Variants in VAMP7 observed in about 807,000 individuals in gnomAD.
VAMP7 encodes the protein vesicle associated membrane protein 7.
A neutral mutation model predicts 29.6 loss-of-function variants in VAMP7; 14 were observed. That is an observed-to-expected ratio of 0.47 (90% confidence interval 0.31 to 0.74). VAMP7 has a LOEUF of 0.74. Among genes scored for constraint, VAMP7 ranks in the 30% least tolerant of loss-of-function variants. The pLI is 0.05. For synonymous variants in VAMP7, 95 were observed against 88.1 expected, an observed-to-expected ratio of 1.08 and a Z score of -0.44; for missense variants, 223 against 262.4, an observed-to-expected ratio of 0.85 and a Z score of 1.04.
chrX:155,887,575 G>T (rs1423061478), intron 1 of VAMP7, among the ~76,000 whole-genome samples: 1 of 152,126 alleles, frequency 6.6e-6, no homozygotes, highest in Non-Finnish European at 1.5e-5. Flanking sequence ...CTGGATTATA[G>T]TAAGTAGAAG....
intron 2 of VAMP7, among the ~76,000 whole-genome samples, chrX:155,893,546 T>G (rs1489889735): frequency 6.6e-6 from 1 of 152,200 alleles, no homozygotes; most frequent in African/African-American, 2.4e-5. Context: ...GAACAACAGA[T>G]ACTTGTTTCT....
intron 5 of VAMP7, among the ~76,000 whole-genome samples, chrX:155,902,316 A>G (rs12392778): frequency 0.59 from 89,541 of 150,848 alleles, 26,621 homozygotes; most frequent in East Asian, 0.68. Flanking sequence ...ATCTGCAAAT[A>G]GGGACAATTT....
chrX:155,918,557 G>A (rs1178902134), intron 5 of VAMP7, among the ~76,000 whole-genome samples: 1 of 152,130 alleles, frequency 6.6e-6, no homozygotes, highest in Non-Finnish European at 1.5e-5. Context: ...CTTGGTTAGG[G>A]GAGGGAGTTC....
At chrX:155,933,578 A>C (rs1034084456) in intron 6 of VAMP7, among the ~76,000 whole-genome samples, 1 of 152,022 alleles carries the variant, frequency 6.6e-6, no homozygotes, top group East Asian at 1.9e-4. Flanking sequence ...TATTGCGTCT[A>C]TTTGATTCTT....
chrX:155,927,219 G>A (rs375684183), intron 6 of VAMP7, among the ~76,000 whole-genome samples: 52 of 151,916 alleles, frequency 3.4e-4, no homozygotes, highest in African/African-American at 1.1e-3. Context: ...GGGGCCTGTC[G>A]GGGAGTGGGG....
At chrX:155,921,354 G>A (rs1280432668) in intron 6 of VAMP7, among the ~76,000 whole-genome samples, 2 of 151,854 alleles carry the variant, frequency 1.3e-5, no homozygotes, top group Non-Finnish European at 2.9e-5. Flanking sequence ...CCCAGATCTA[G>A]ATAGAAAACA....
intron 1 of VAMP7, among the ~76,000 whole-genome samples, chrX:155,889,049 C>T (rs2065897451): frequency 6.6e-6 from 1 of 151,660 alleles, no homozygotes; most frequent in Admixed American, 6.6e-5. Context: ...AGAGTCTTAA[C>T]TTCTGTTGAA....
intron 3 of VAMP7, among the ~76,000 whole-genome samples, chrX:155,895,986 G>A (rs147878932): frequency 6.6e-6 from 1 of 152,176 alleles, no homozygotes; most frequent in Non-Finnish European, 1.5e-5. Context: ...ATGATCTGAG[G>A]TGGAACAGTT....
chrX:155,934,207 C>T (rs938033993), intron 6 of VAMP7, among the ~76,000 whole-genome samples: 8 of 152,142 alleles, frequency 5.3e-5, no homozygotes, highest in African/African-American at 1.9e-4. Flanking sequence ...CTGTAGATGT[C>T]TGTTAGGTCC....
chrX:155,900,343 G>T (rs2066044276), intron 4 of VAMP7, among the ~76,000 whole-genome samples, 154 bp from the exon 5 acceptor site: 1 of 151,896 alleles, frequency 6.6e-6, no homozygotes, highest in Admixed American at 6.6e-5. Flanking sequence ...CCTGGGTATT[G>T]TAACATTTTT....
At chrX:155,900,027 A>G (rs1175208611) in intron 4 of VAMP7, among the ~76,000 whole-genome samples, 1 of 152,018 alleles carries the variant, frequency 6.6e-6, no homozygotes, top group Non-Finnish European at 1.5e-5. Context: ...AAAATAGTTT[A>G]TATGCTGTGA....
At chrX:155,929,314 G>T (rs1382383429) in intron 6 of VAMP7, among the ~76,000 whole-genome samples, 1 of 152,162 alleles carries the variant, frequency 6.6e-6, no homozygotes, top group Non-Finnish European at 1.5e-5. Context: ...TATCTAATTT[G>T]TTTACCAAGA....
At chrX:155,898,566 G>A (rs899130152) in intron 4 of VAMP7, among the ~76,000 whole-genome samples, 1 of 151,876 alleles carries the variant, frequency 6.6e-6, no homozygotes, top group Admixed American at 6.6e-5. Flanking sequence ...TAAACTATAC[G>A]TAAACCTTCT....
intron 5 of VAMP7, among the ~76,000 whole-genome samples, chrX:155,902,350 T>C (rs898626865): frequency 7.3e-5 from 11 of 151,488 alleles, no homozygotes; most frequent in African/African-American, 2.7e-4. Context: ...CCTAATTGAA[T>C]ACCCTTTATT....
chrX:155,936,198 C>T (rs1382309868), intron 6 of VAMP7, among the ~76,000 whole-genome samples: 1 of 152,074 alleles, frequency 6.6e-6, no homozygotes, highest in African/African-American at 2.4e-5. Context: ...AAACTCTGTC[C>T]TGGGAGAACC....
intron 1 of VAMP7, among the ~76,000 whole-genome samples, chrX:155,887,658 G>A (rs1375153857): frequency 1.3e-5 from 2 of 152,166 alleles, no homozygotes; most frequent in Non-Finnish European, 2.9e-5. Context: ...GCCAGGTACG[G>A]TGGCTCATGC....
chrX:155,895,947 G>T (rs1188295527), intron 3 of VAMP7, among the ~76,000 whole-genome samples: 1 of 152,086 alleles, frequency 6.6e-6, no homozygotes, highest in African/African-American at 2.4e-5. Context: ...GATCTAAATT[G>T]CATGCTCCTT....
At chrX:155,925,003 A>G (rs894868732) in intron 6 of VAMP7, among the ~76,000 whole-genome samples, 1 of 152,222 alleles carries the variant, frequency 6.6e-6, no homozygotes, top group Non-Finnish European at 1.5e-5. Context: ...TTGCCCATGC[A>G]TAAGAAACAA....
At chrX:155,908,533 G>A (rs1012737854) in intron 5 of VAMP7, among the ~76,000 whole-genome samples, 5 of 152,198 alleles carry the variant, frequency 3.3e-5, no homozygotes, top group African/African-American at 4.8e-5. Context: ...ACCGTGGAAA[G>A]AGAGGGAGAG....
Sources: gnomAD v4.1 joint callset for allele counts (sites outside exome capture counted in the v4.1 genomes callset) on GRCh38, gnomAD v4.1.1 for gene constraint, MANE v1.5 for transcripts, NCBI Gene and HGNC (gene_info 2026-07-23, HGNC 2026-07-21) for gene names.